Variants in APBA2 observed in about 807,000 individuals in gnomAD.
APBA2 encodes amyloid-beta A4 precursor protein-binding family A member 2.
A neutral mutation model predicts 75.0 loss-of-function variants in APBA2; 30 were observed. That is an observed-to-expected ratio of 0.40 (90% CI 0.30 to 0.54). APBA2 has a LOEUF of 0.54. APBA2 is among the 20% of genes least tolerant of loss of function. The pLI, the probability that APBA2 is intolerant of heterozygous loss-of-function variation, is 0.49. For missense variants in APBA2, 801 were observed against 1,016.1 expected (o/e 0.79, Z 2.88); for synonymous variants, 444 against 409.6 (o/e 1.08, Z -1.01).
At position 29,082,534 on chromosome 15, in the gene APBA2, T is replaced by C. The variant is rs758501291; in HGVS notation, c.1069+6443T>C. Among the ~76,000 whole-genome samples the C allele has an allele frequency of 1.2e-4, 18 of 152,356 alleles. 1 individual carries two copies. Among genetic ancestry groups the C allele is most frequent in the South Asian group, 2.1e-4 (1 of 4,832 alleles). ...CCCTCAGCCCCTGGCAATTGGGAAT[T>C]TGGGTGTTTCTTATTGATTTGTATT... On this transcript the variant is annotated intron_variant, in intron 6 of 14. Coordinates refer to ENST00000683413, the MANE Select transcript of APBA2 (RefSeq NM_001353788.2).
At chr15:28,920,093 T>A (rs73364799) in intron 1 of APBA2, among the ~76,000 whole-genome samples, 13 of 152,130 alleles carry the variant, frequency 8.5e-5, no homozygotes, top group African/African-American at 3.1e-4. Context: ...GTGTGCCCTC[T>A]CGGGGCCAGG....
intron 3 of APBA2, among the ~76,000 whole-genome samples, chr15:29,043,346 C>T (rs1363559967): frequency 6.6e-6 from 1 of 152,208 alleles, no homozygotes; most frequent in Non-Finnish European, 1.5e-5. Flanking sequence ...TTAGGCCCAA[C>T]ATTAACCCCA....
chr15:28,914,863 G>A (rs2033592914), intron 1 of APBA2, among the ~76,000 whole-genome samples: 1 of 151,882 alleles, frequency 6.6e-6, no homozygotes, highest in South Asian at 2.1e-4. Context: ...CGTCATCGCT[G>A]TGTGTCCCGG....
At chr15:29,038,359 G>T (rs902278) in intron 3 of APBA2, among the ~76,000 whole-genome samples, 2 of 152,200 alleles carry the variant, frequency 1.3e-5, no homozygotes, top group African/African-American at 4.8e-5. Context: ...CAGCTATGGA[G>T]AAGCTCAGAG....
At chr15:29,060,172 C>T (rs1001019872) in intron 4 of APBA2, among the ~76,000 whole-genome samples, 2 of 152,144 alleles carry the variant, frequency 1.3e-5, no homozygotes, top group Admixed American at 1.3e-4. Context: ...TTTAACCTTT[C>T]TTATTTTGTG....
chr15:28,907,206 A>T (rs148011962), intron 1 of APBA2, among the ~76,000 whole-genome samples: 2,003 of 152,262 alleles, frequency 0.013, 40 homozygotes, highest in African/African-American at 0.045. Context: ...TTATAGGAGT[A>T]TTCAGTTTTC....
intron 1 of APBA2, among the ~76,000 whole-genome samples, chr15:28,892,685 ATG>A (rs2032216566): frequency 6.6e-6 from 1 of 150,636 alleles, no homozygotes; most frequent in Admixed American, 6.6e-5. Flanking sequence ...GTGTGTATGT[ATG>A]TGTATATATA....
intron 6 of APBA2, among the ~76,000 whole-genome samples, chr15:29,088,601 C>T (rs111778494): frequency 1.3e-5 from 2 of 152,332 alleles, no homozygotes; most frequent in African/African-American, 2.4e-5. Context: ...CCGTTGTCAC[C>T]CTGTCCGTAC....
chr15:29,016,214 G>A (rs1444671111), intron 3 of APBA2, among the ~76,000 whole-genome samples: 3 of 152,070 alleles, frequency 2.0e-5, no homozygotes, highest in Non-Finnish European at 4.4e-5. Flanking sequence ...CTGATATGGC[G>A]CCACTGCACT....
chr15:28,951,984 G>A (rs1437973340), intron 2 of APBA2, among the ~76,000 whole-genome samples: 1 of 149,768 alleles, frequency 6.7e-6, no homozygotes, highest in Admixed American at 6.7e-5. Context: ...CACCTCATGG[G>A]TTCAAGGGAT....
intron 3 of APBA2, among the ~76,000 whole-genome samples, chr15:29,029,525 TG>T (rs2040384500): frequency 6.6e-6 from 1 of 152,242 alleles, no homozygotes; most frequent in Non-Finnish European, 1.5e-5. Context: ...GTTTTGTTTT[TG>T]TTCTTTAACT....
intron 3 of APBA2, among the ~76,000 whole-genome samples, chr15:29,047,980 A>G (rs1437572178): frequency 1.3e-5 from 2 of 152,196 alleles, no homozygotes; most frequent in Non-Finnish European, 2.9e-5. Flanking sequence ...CCGTTGAGAG[A>G]CATTTAAGAC....
chr15:28,902,599 G>A lies in APBA2; in HGVS notation c.-205+16321G>A, dbSNP rs1312055588. ...GGACTGTAGTTAATAATGGTGGATCGAGATTCATTAATTGTGATTCATGTG... is the reference window on the plus strand; with the variant it reads ...GGACTGTAGTTAATAATGGTGGATCAAGATTCATTAATTGTGATTCATGTG... On this transcript the variant is annotated intron_variant, in intron 1 of 14. Transcript: ENST00000683413. Among the ~76,000 whole-genome samples, 5 of 152,290 alleles carry A rather than the reference G, an allele frequency of 3.3e-5. No homozygotes were observed. In the South Asian group the frequency reaches 1.0e-3, roughly 32 times the overall value.
chr15:29,110,218 C>T (rs1384009748), intron 13 of APBA2, among the ~76,000 whole-genome samples: 1 of 152,244 alleles, frequency 6.6e-6, no homozygotes, highest in Admixed American at 6.5e-5. Context: ...CCTCCCACCC[C>T]AGCACTGGGG....
At chr15:29,000,690 A>G (rs999937066) in intron 3 of APBA2, among the ~76,000 whole-genome samples, 10 of 152,146 alleles carry the variant, frequency 6.6e-5, no homozygotes, top group Non-Finnish European at 1.5e-4. Flanking sequence ...TCCAGGGCTC[A>G]ATCAACCCTC....
intron 3 of APBA2, among the ~76,000 whole-genome samples, chr15:29,038,970 C>A (rs3894535): frequency 6.6e-6 from 1 of 152,008 alleles, no homozygotes; most frequent in South Asian, 2.1e-4. Flanking sequence ...CTACGCCTGG[C>A]GCATGCATTT....
At chr15:29,063,060 G>A (rs56294258) in intron 4 of APBA2, among the ~76,000 whole-genome samples, 7 of 110,870 alleles carry the variant, frequency 6.3e-5, no homozygotes, top group Non-Finnish European at 1.2e-4. Flanking sequence ...GTGGGGAGGG[G>A]AGTTGATCTG....
intron 10 of APBA2, among the ~76,000 whole-genome samples, chr15:29,104,482 T>C (rs1332618765): frequency 6.6e-6 from 1 of 152,250 alleles, no homozygotes; most frequent in African/African-American, 2.4e-5. Context: ...GGCCAGGCCC[T>C]GAGTGCTGTT....
intron 2 of APBA2, among the ~76,000 whole-genome samples, chr15:28,967,079 A>G (rs754588410): frequency 3.3e-5 from 5 of 152,184 alleles, no homozygotes; most frequent in African/African-American, 7.2e-5. Context: ...GTTTGAAGAC[A>G]TTTCTTTAGC....
Sources: gnomAD v4.1 joint callset for allele counts (sites outside exome capture counted in the v4.1 genomes callset) on GRCh38, gnomAD v4.1.1 for gene constraint, MANE v1.5 for transcripts, NCBI Gene and HGNC (gene_info 2026-07-23, HGNC 2026-07-21) for gene names.